The following ACSS3 variants were observed in gnomAD, a reference collection of about 807,000 sequenced individuals.
The protein encoded by ACSS3 is acyl-CoA synthetase short-chain family member 3, mitochondrial.
In ACSS3, 64 loss-of-function variants were observed where a neutral mutation model predicts 84.2. The observed-to-expected ratio is 0.76, with a 90% CI of 0.62 to 0.94. ACSS3 has a LOEUF of 0.94. ACSS3 is among the 40% of genes least tolerant of loss of function. ACSS3 has a pLI of 0.00. For missense variants in ACSS3, 815 were observed against 867.6 expected (o/e 0.94, Z 0.76); for synonymous variants, 317 against 310.1 (o/e 1.02, Z -0.23).
At chr12:81,223,894 T>C (rs2033189778) in intron 11 of ACSS3, among the ~76,000 whole-genome samples, 1 of 151,502 alleles carries the variant, frequency 6.6e-6, no homozygotes, top group South Asian at 2.1e-4. Flanking sequence ...CATCTAGGAG[T>C]GTAATATTTC....
Position 81,254,936 on chromosome 12 carries a change from T to C in ACSS3, c.*14T>C, listed in dbSNP as rs755535499. 1.3e-6 allele frequency: 2 copies of C among 1,567,130 alleles called. No homozygotes were observed. Among genetic ancestry groups the C allele is most frequent in the South Asian group, 1.2e-5 (1 of 83,204 alleles). ...AAGCAAGCATAATGAGTTTGTCTTATTCCTATTTTGAGTTGATTTAATTTC... is the reference window on the plus strand; with the variant it reads ...AAGCAAGCATAATGAGTTTGTCTTACTCCTATTTTGAGTTGATTTAATTTC... On this transcript the variant is annotated 3_prime_UTR_variant, in exon 16 of 16. Coordinates refer to ENST00000548058, the MANE Select transcript of ACSS3 (RefSeq NM_024560.4).
intron 11 of ACSS3, among the ~76,000 whole-genome samples, chr12:81,221,550 C>T (rs149417887): frequency 1.5e-3 from 224 of 152,176 alleles, no homozygotes; most frequent in Non-Finnish European, 1.4e-3. Context: ...TAATTCTTCT[C>T]ATGCTTTTAT....
At chr12:81,205,049 C>A (rs1469103198) in intron 9 of ACSS3, among the ~76,000 whole-genome samples, 2 of 152,100 alleles carry the variant, frequency 1.3e-5, no homozygotes, top group Non-Finnish European at 2.9e-5. Context: ...GAGTATTTCA[C>A]TCCATAATTG....
intron 13 of ACSS3, among the ~76,000 whole-genome samples, chr12:81,249,079 T>C (rs1278023704): frequency 2.6e-5 from 4 of 152,008 alleles, no homozygotes; most frequent in Admixed American, 1.3e-4. Context: ...TATTAAGTAA[T>C]AATCAAGTCT....
At chr12:81,134,438 A>G (rs1885680314) in intron 2 of ACSS3, among the ~76,000 whole-genome samples, 12 of 152,114 alleles carry the variant, frequency 7.9e-5, no homozygotes, top group Admixed American at 7.9e-4. Context: ...TGACAGATTC[A>G]CCTTTTGCAA....
chr12:81,174,628 G>C (rs1383332611), intron 7 of ACSS3, 160 bp from the exon 8 acceptor site: 3 of 704,674 alleles, frequency 4.3e-6, no homozygotes, highest in Non-Finnish European at 6.5e-6. Context: ...CTGGGTATTT[G>C]GTTTGCTTTA....
intron 13 of ACSS3, among the ~76,000 whole-genome samples, chr12:81,235,372 C>G (rs1228453641): frequency 6.6e-6 from 1 of 150,848 alleles, no homozygotes; most frequent in Non-Finnish European, 1.5e-5. Context: ...GAATATACTG[C>G]CTTGACACTG....
chr12:81,230,552 C>G (rs565519251), intron 11 of ACSS3, among the ~76,000 whole-genome samples: 2 of 151,828 alleles, frequency 1.3e-5, no homozygotes, highest in South Asian at 4.1e-4. Flanking sequence ...GAGGAGGAAG[C>G]AGTGAGAGAG....
chr12:81,138,283 C>T (rs977893461), intron 3 of ACSS3, among the ~76,000 whole-genome samples: 5 of 152,126 alleles, frequency 3.3e-5, no homozygotes, highest in African/African-American at 1.2e-4. Flanking sequence ...ACTGAAAGCT[C>T]ATGACATGCC....
At chr12:81,143,622 A>G (rs1886194922) in intron 5 of ACSS3, 1 of 151,996 alleles carries the variant, frequency 6.6e-6, no homozygotes, top group Non-Finnish European at 1.5e-5. Flanking sequence ...TTTAAATAAA[A>G]TATTTTTATT....
At chr12:81,141,825 C>T (rs1422762105) in intron 4 of ACSS3, among the ~76,000 whole-genome samples, 1 of 152,082 alleles carries the variant, frequency 6.6e-6, no homozygotes, top group Non-Finnish European at 1.5e-5. Flanking sequence ...TCATAGTCAA[C>T]TATTTTATTT....
chr12:81,152,342 A>G (rs1326710168), intron 7 of ACSS3, among the ~76,000 whole-genome samples: 1 of 91,442 alleles, frequency 1.1e-5, no homozygotes, highest in Non-Finnish European at 2.9e-5. Flanking sequence ...CTTTATATCT[A>G]TCCCTAACAT....
intron 1 of ACSS3, among the ~76,000 whole-genome samples, chr12:81,107,766 G>C (rs1180905416): frequency 1.3e-5 from 2 of 151,532 alleles, no homozygotes; most frequent in East Asian, 3.9e-4. Context: ...TCTAGGTTGG[G>C]GGTGGTTGGG....
chr12:81,189,860 G>A (rs1347188381), intron 8 of ACSS3, among the ~76,000 whole-genome samples: 1 of 152,040 alleles, frequency 6.6e-6, no homozygotes, highest in African/African-American at 2.4e-5. Context: ...TGTATGACAT[G>A]AAGTAAGGCG....
intron 8 of ACSS3, among the ~76,000 whole-genome samples, chr12:81,198,607 C>T (rs2031956438): frequency 6.6e-6 from 1 of 151,024 alleles, no homozygotes; most frequent in African/African-American, 2.4e-5. Flanking sequence ...AAAAAAAAAC[C>T]CATAAACACC....
In ACSS3 at chr12:81,127,203, G is replaced by T. The variant is rs185113187; in HGVS notation, c.457-7613G>T. ...CTTCAATGAAAATTATTTCAATGCT[G>T]TATCTAATAAATTGTAACTGTCTAA... On this transcript the variant is annotated intron_variant, in intron 2 of 15. Transcript: ENST00000548058. Among the ~76,000 whole-genome samples the T allele has an allele frequency of 3.3e-3, 500 of 151,932 alleles. 10 individuals carry two copies. Among genetic ancestry groups the T allele is most frequent in the Non-Finnish European group, 4.7e-4 (32 of 67,878 alleles).
rs1056504465 is a variant in ACSS3, at chr12:81,254,863, T to C, written c.2002T>C (p.Ser668Pro). Residue 668 changes from serine to proline, a missense_variant, in exon 16 of 16, where the codon TCT becomes CCT. Coordinates refer to ENST00000548058, the MANE Select transcript of ACSS3 (RefSeq NM_024560.4). ...ACCCTAATTTTTTTTCCAGATAACT[T>C]CTACAATTGAAGACCCCAGCATTTT... Reference protein sequence around the residue: ...IVNGKPYKITSTIEDPSIFGH... With the variant: ...IVNGKPYKITPTIEDPSIFGH... 35 of 1,607,260 alleles carry C rather than the reference T, an allele frequency of 2.2e-5. No individual in the cohort carries two copies. The highest frequency in any genetic ancestry group is 3.0e-5 in the Non-Finnish European group (35 of 1,177,026).
intron 1 of ACSS3, among the ~76,000 whole-genome samples, chr12:81,078,868 A>G (rs535297547): frequency 6.6e-6 from 1 of 152,314 alleles, no homozygotes; most frequent in South Asian, 2.1e-4. Context: ...ATCGCACCCC[A>G]TAAGGGTTTG....
intron 11 of ACSS3, 44 bp downstream of exon 11, chr12:81,220,120 G>T: frequency 7.7e-7 from 1 of 1,298,154 alleles, no homozygotes; most frequent in South Asian, 1.6e-5. Context: ...GGCAAAAACT[G>T]GTGTATATAC....
Sources: gnomAD v4.1 joint callset for allele counts (sites outside exome capture counted in the v4.1 genomes callset) on GRCh38, gnomAD v4.1.1 for gene constraint, MANE v1.5 for transcripts, NCBI Gene and HGNC (gene_info 2026-07-23, HGNC 2026-07-21) for gene names.